Variants in TXK observed in about 807,000 individuals in gnomAD.
The protein encoded by TXK is tyrosine-protein kinase TXK.
A neutral mutation model predicts 81.0 loss-of-function variants in TXK; 60 were observed. That is an observed-to-expected ratio of 0.74 (90% CI 0.60 to 0.92). The LOEUF (loss-of-function observed/expected upper bound fraction) is 0.92. TXK is among the 40% of genes least tolerant of loss of function. The probability of loss-of-function intolerance (pLI) is 0.00; values close to 1 mark genes in which losing one functional copy is unlikely to be tolerated. For synonymous variants in TXK, 203 were observed against 210.7 expected (o/e 0.96, Z 0.32); for missense variants, 581 against 638.3 (o/e 0.91, Z 0.97).
chr4:48,068,936 C>T (rs6832282), intron 14 of TXK, among the ~76,000 whole-genome samples: 102,694 of 124,942 alleles, frequency 0.82, 43,148 homozygotes, highest in East Asian at 1. Flanking sequence ...CCTGTTTCTG[C>T]GCATGAATCC....
At position 48,067,276 on chromosome 4, in the gene TXK, G is replaced by A. The variant is rs545483921; in HGVS notation, c.*361C>T. On this transcript the variant is annotated 3_prime_UTR_variant, in exon 15 of 15. Coordinates refer to ENST00000264316, the MANE Select transcript of TXK (RefSeq NM_003328.3). ...ATCACTGAAGTGATGAATGTCACTC[G>A]TCTTCAAGAAGGAAGCACTCTCAGC... 54 of 208,134 alleles carry A rather than the reference G, an allele frequency of 2.6e-4. No homozygotes were observed. Among genetic ancestry groups the A allele is most frequent in the Admixed American group, 1.3e-3 (24 of 18,768 alleles). The allele number at this position is 208,134 out of a possible 1,614,324, so 12.9% of individuals were successfully genotyped here.
intron 1 of TXK, among the ~76,000 whole-genome samples, chr4:48,128,561 C>CTTTTTTTTTTT (rs58431850): frequency 2.3e-5 from 2 of 85,296 alleles, no homozygotes; most frequent in Non-Finnish European, 4.3e-5. Flanking sequence ...CCACTACATC[C>CTTTTTTTTTTT]TTTTTTTTTT....
At chr4:48,113,146 A>G in intron 3 of TXK, 61 bp downstream of exon 3, 1 of 1,266,936 alleles carries the variant, frequency 7.9e-7, no homozygotes, top group Non-Finnish European at 1.1e-6. Flanking sequence ...CACCTCATGA[A>G]TGAAGACTCT....
At chr4:48,086,857 TAA>T (rs1717553933) in intron 9 of TXK, among the ~76,000 whole-genome samples, 1 of 152,208 alleles carries the variant, frequency 6.6e-6, no homozygotes, top group Non-Finnish European at 1.5e-5. Context: ...GATGTTTGTA[TAA>T]CAAATTAAGG....
intron 11 of TXK, among the ~76,000 whole-genome samples, chr4:48,078,404 T>C (rs965780681): frequency 1.1e-4 from 16 of 152,212 alleles, no homozygotes; most frequent in African/African-American, 3.9e-4. Flanking sequence ...ATGATCACTT[T>C]GATCATGTGT....
rs549984322 is a variant in TXK, at chr4:48,067,659, G to C, written c.1562C>G (p.Thr521Arg). Reference protein sequence around the residue: ...PTFAELLRAVTEIAETW With the variant: ...PTFAELLRAVREIAETW ...CGGTCACCAGGTTTCCGCAATCTCT[G>C]TGACAGCCCGCAGCAGCTCGGCAAA... Residue 521 changes from threonine (T) to arginine (R), a missense_variant, in exon 15 of 15, where the codon ACA becomes AGA. By Grantham distance (71) the Thr-to-Arg change is moderately conservative. Coordinates refer to ENST00000264316, the MANE Select transcript of TXK (RefSeq NM_003328.3). The C allele has an allele frequency of 1.7e-5, 27 of 1,614,102 alleles. No individual in the cohort carries two copies. The South Asian group carries it at 3.0e-4, about 18-fold the overall frequency.
intron 6 of TXK, among the ~76,000 whole-genome samples, chr4:48,102,312 G>A (rs964626301): frequency 6.6e-6 from 1 of 152,126 alleles, no homozygotes; most frequent in African/African-American, 2.4e-5. Context: ...AAGTTTAAAA[G>A]GCAAGCACTA....
At chr4:48,067,832 T>A in intron 14 of TXK, 127 bp from the exon 15 acceptor site, 1 of 912,700 alleles carries the variant, frequency 1.1e-6, no homozygotes, top group East Asian at 2.5e-5. Flanking sequence ...CAAGGTCTGA[T>A]TTTTCACTCA....
intron 1 of TXK, among the ~76,000 whole-genome samples, chr4:48,114,723 G>A (rs1349410590): frequency 6.6e-6 from 1 of 152,174 alleles, no homozygotes; most frequent in Non-Finnish European, 1.5e-5. Flanking sequence ...CAAGAGAATA[G>A]GATTCCAGAA....
At chr4:48,091,019 A>G in intron 8 of TXK, among the ~76,000 whole-genome samples, 1 of 152,266 alleles carries the variant, frequency 6.6e-6, no homozygotes, top group Admixed American at 6.5e-5. Context: ...CAAAGATTCC[A>G]GCAGATTCCA....
At chr4:48,124,576 C>T (rs748430144) in intron 1 of TXK, among the ~76,000 whole-genome samples, 1 of 151,694 alleles carries the variant, frequency 6.6e-6, no homozygotes, top group African/African-American at 2.4e-5. Context: ...TTTTTCCACT[C>T]ATTCATCTTA....
chr4:48,109,654 T>C (rs1577675094), intron 5 of TXK, among the ~76,000 whole-genome samples: 1 of 152,346 alleles, frequency 6.6e-6, no homozygotes, highest in East Asian at 1.9e-4. Flanking sequence ...AGTCATCTCC[T>C]TCTCTCCTCC....
chr4:48,089,693 G>T, intron 9 of TXK, 57 bp downstream of exon 9: 1 of 1,428,708 alleles, frequency 7.0e-7, no homozygotes, highest in Non-Finnish European at 9.9e-7. Flanking sequence ...CACCCAGCCA[G>T]GTAGATTCTT....
chr4:48,071,458 C>A, intron 14 of TXK, 59 bp downstream of exon 14: 2 of 1,504,000 alleles, frequency 1.3e-6, no homozygotes, highest in East Asian at 2.3e-5. Context: ...TTGTGATAAT[C>A]AGGTCTGCTC....
chr4:48,085,814 C>G (rs1560345173), intron 10 of TXK, among the ~76,000 whole-genome samples: 1 of 152,176 alleles, frequency 6.6e-6, no homozygotes, highest in Non-Finnish European at 1.5e-5. Flanking sequence ...CACTCCATCC[C>G]ATTTCCAGCT....
intron 6 of TXK, among the ~76,000 whole-genome samples, chr4:48,103,929 G>T (rs1295933879): frequency 6.6e-6 from 1 of 151,762 alleles, no homozygotes; most frequent in African/African-American, 2.4e-5. Context: ...CAGACTGGGC[G>T]TGGTGGCTCA....
At chr4:48,104,229 T>A (rs71611575) in intron 6 of TXK, among the ~76,000 whole-genome samples, 4,636 of 11,864 alleles carry the variant, frequency 0.39, 1,053 homozygotes, top group East Asian at 0.71. Flanking sequence ...TATTATATAT[T>A]ATATTATATA....
In TXK at chr4:48,079,999, A is replaced by G. The variant is rs1350755556; in HGVS notation, c.1086T>C (p.Leu362=). ...ATACACTCAGTAGCATTTCCTTCCT[A>G]AGCTTTCCTTTATTCTCCCTGAGAT... ...LNYLRENKGK[L]RKEMLLSVCQ... is the part of the protein sequence containing the mutation. The change falls in exon 11 of 15, where the codon CTT becomes CTC. Residue 362 remains leucine (L), a synonymous_variant. Transcript: ENST00000264316. 1.9e-6 allele frequency: 3 copies of G among 1,614,018 alleles called. No homozygotes were observed. Among genetic ancestry groups the G allele is most frequent in the Non-Finnish European group, 2.5e-6 (3 of 1,179,974 alleles).
At position 48,086,517 on chromosome 4, in the gene TXK, T is replaced by G. The variant is rs200889255; in HGVS notation, c.905A>C (p.Asn302Thr). 3.1e-6 allele frequency: 5 copies of G among 1,614,128 alleles called. No homozygotes were observed. The highest frequency in any genetic ancestry group is 3.4e-6 in the Non-Finnish European group (4 of 1,179,996). The change falls in exon 10 of 15, where the codon AAT becomes ACT. Residue 302 changes from asparagine to threonine, a missense_variant. Coordinates refer to ENST00000264316, the MANE Select transcript of TXK (RefSeq NM_003328.3). ...SHIQVAIKAI[N>T]EGSMSEEDFI... ...ATCCTCTTCAGACATGGAGCCTTCA[T>G]TGATGGCCTTGATAGCTACCTGGAT...
Sources: gnomAD v4.1 joint callset for allele counts (sites outside exome capture counted in the v4.1 genomes callset) on GRCh38, gnomAD v4.1.1 for gene constraint, MANE v1.5 for transcripts, NCBI Gene and HGNC (gene_info 2026-07-23, HGNC 2026-07-21) for gene names.